The following GUCY1A2 variants were observed in gnomAD, a reference collection of about 807,000 sequenced individuals.
GUCY1A2 encodes guanylate cyclase soluble subunit alpha-2.
GUCY1A2 carries 27 observed loss-of-function variants against 63.5 expected under a neutral mutation model. That is an observed-to-expected ratio of 0.43 (90% CI 0.31 to 0.59). GUCY1A2 has a LOEUF of 0.59. Among genes scored for constraint, GUCY1A2 ranks in the 20% least tolerant of loss-of-function variants. The probability of loss-of-function intolerance (pLI) is 0.11; values close to 1 mark genes in which losing one functional copy is unlikely to be tolerated. For synonymous variants in GUCY1A2, 364 were observed against 343.5 expected (o/e 1.06, Z -0.66); for missense variants, 768 against 913.3 (o/e 0.84, Z 2.05).
intron 4 of GUCY1A2, among the ~76,000 whole-genome samples, chr11:106,845,862 A>G (rs1017775766): frequency 6.6e-6 from 1 of 151,650 alleles, no homozygotes; most frequent in African/African-American, 2.4e-5. Flanking sequence ...CCTACAGATA[A>G]CTTGTTAATT....
At chr11:107,004,902 G>A (rs1199323692) in intron 1 of GUCY1A2, among the ~76,000 whole-genome samples, 2 of 152,152 alleles carry the variant, frequency 1.3e-5, no homozygotes, top group Non-Finnish European at 2.9e-5. Flanking sequence ...TTCAAGGAGT[G>A]CATCATAGAA....
intron 3 of GUCY1A2, among the ~76,000 whole-genome samples, chr11:106,965,199 T>G (rs1861112337): frequency 6.6e-6 from 1 of 152,040 alleles, no homozygotes; most frequent in Admixed American, 6.6e-5. Flanking sequence ...TTCCTGTAGT[T>G]TAAAAAACTA....
Position 106,893,394 on chromosome 11 carries a change from A to G in GUCY1A2, c.1206+46066T>C, listed in dbSNP as rs76761427. Reference sequence around the variant, plus strand: ...AAAATAATTTAGTCTTTAAAAAAAAACTTAAAGGATTGGGGAAATAAATAA... The same window carrying G: ...AAAATAATTTAGTCTTTAAAAAAAAGCTTAAAGGATTGGGGAAATAAATAA... On this transcript the variant is annotated intron_variant, in intron 4 of 7. Coordinates refer to ENST00000526355, the MANE Select transcript of GUCY1A2 (RefSeq NM_000855.3). Among the ~76,000 whole-genome samples the G allele has an allele frequency of 1.4e-4, 21 of 152,300 alleles. No individual in the cohort carries two copies. In the East Asian group the frequency reaches 3.7e-3, roughly 27 times the overall value.
chr11:106,823,923 A>T, intron 4 of GUCY1A2: 1 of 392,116 alleles, frequency 2.6e-6, no homozygotes, highest in Non-Finnish European at 4.4e-6. Flanking sequence ...TAAAGGCTTT[A>T]TTTGCATTCT....
chr11:106,800,271 C>G (rs1183556420), intron 5 of GUCY1A2, among the ~76,000 whole-genome samples: 2 of 152,166 alleles, frequency 1.3e-5, no homozygotes, highest in Non-Finnish European at 2.9e-5. Flanking sequence ...GAAATAGGAA[C>G]ACTTTTACAC....
intron 3 of GUCY1A2, among the ~76,000 whole-genome samples, chr11:106,970,598 G>A (rs1361163785): frequency 6.6e-6 from 1 of 152,106 alleles, no homozygotes; most frequent in Non-Finnish European, 1.5e-5. Flanking sequence ...TTCTGGAAAG[G>A]ATGAAGAGCA....
rs1861847997 is a variant in GUCY1A2, at chr11:107,017,879, C to CGGGGCG, written c.171_176dup (p.Ala60_Pro61dup). ...CGGCAGAAGCAGCCGGGGTCGGGGCCGGGGCGGCGGCAGCGGCAGCTGCGG... is the reference window on the plus strand; with the variant it reads ...CGGCAGAAGCAGCCGGGGTCGGGGCCGGGGCGGGGGCGGCGGCAGCGGCAGCTGCGG... On this transcript the variant is annotated inframe_insertion, in exon 1 of 8. Transcript: ENST00000526355. 5.6e-6 allele frequency: 7 copies of CGGGGCG among 1,250,722 alleles called. No homozygotes were observed. The East Asian group carries it at 1.9e-4, about 35-fold the overall frequency. 77.5% of individuals were successfully genotyped at this position (1,250,722 alleles called of 1,614,324 possible).
In GUCY1A2 at chr11:106,684,523, G is replaced by A. The variant is rs1862488824; in HGVS notation, c.*3026C>T. On this transcript the variant is annotated 3_prime_UTR_variant, in exon 8 of 8. Transcript: ENST00000526355. ...AGTACATTCTGAGTACATATTGGGG[G>A]ATTCTGATTTTGTTAGATAACTGAT... is the stretch of plus-strand genomic sequence containing the variant. 1 of 194,486 alleles carries A rather than the reference G, an allele frequency of 5.1e-6. No individual in the cohort carries two copies. The highest frequency in any genetic ancestry group is 2.3e-5 in the African/African-American group (1 of 43,212). 12.0% of individuals were successfully genotyped at this position (194,486 alleles called of 1,614,324 possible).
At chr11:106,857,842 G>A (rs1353671275) in intron 4 of GUCY1A2, among the ~76,000 whole-genome samples, 2 of 152,066 alleles carry the variant, frequency 1.3e-5, no homozygotes, top group Non-Finnish European at 2.9e-5. Context: ...ACGAGGATAT[G>A]CATATGTTAT....
rs1224556497 is a variant in GUCY1A2, at chr11:106,830,239, G to A, written c.1207-19761C>T. ...TGGGTTGGGGATTGGTGCATTTCTG[G>A]TTGTACAAAGGATAGTTGTATTATG... On this transcript the variant is annotated intron_variant, in intron 4 of 7. Coordinates refer to ENST00000526355, the MANE Select transcript of GUCY1A2 (RefSeq NM_000855.3). 2.0e-5 allele frequency among the ~76,000 whole-genome samples: 3 copies of A among 152,250 alleles called. No individual in the cohort carries two copies. In the East Asian group the frequency reaches 5.8e-4, roughly 29 times the overall value.
intron 4 of GUCY1A2, among the ~76,000 whole-genome samples, chr11:106,883,495 G>A (rs1030244093): frequency 2.0e-5 from 3 of 152,064 alleles, no homozygotes; most frequent in Admixed American, 6.6e-5. Context: ...CGTCCCCATG[G>A]AGCTTACTAT....
At chr11:106,885,416 GC>G (rs1229610294) in intron 4 of GUCY1A2, among the ~76,000 whole-genome samples, 1 of 152,110 alleles carries the variant, frequency 6.6e-6, no homozygotes, top group East Asian at 1.9e-4. Flanking sequence ...TCTGACCATG[GC>G]CAAGATACCA....
intron 4 of GUCY1A2, among the ~76,000 whole-genome samples, chr11:106,885,897 C>T (rs1167421778): frequency 1.3e-5 from 2 of 151,972 alleles, no homozygotes; most frequent in Non-Finnish European, 2.9e-5. Context: ...TTGTACATTC[C>T]CCCTATTGGA....
At position 106,680,278 on chromosome 11, in the gene GUCY1A2, C is replaced by A. The variant is rs367651140; in HGVS notation, c.*7271G>T. The A allele has an allele frequency of 9.7e-6, 2 of 206,618 alleles. No homozygotes were observed. The highest frequency in any genetic ancestry group is 1.5e-4 in the East Asian group (2 of 13,490). 12.8% of individuals were successfully genotyped at this position (206,618 alleles called of 1,614,324 possible). ...TGATTTTATTTCAGTTATTACTTTCCTCTTAGATATAGGTTTAATGACATT... is the reference window on the plus strand; with the variant it reads ...TGATTTTATTTCAGTTATTACTTTCATCTTAGATATAGGTTTAATGACATT... On this transcript the variant is annotated 3_prime_UTR_variant, in exon 8 of 8. Transcript: ENST00000526355.
intron 1 of GUCY1A2, among the ~76,000 whole-genome samples, chr11:107,002,472 C>T (rs1357741082): frequency 6.6e-6 from 1 of 151,726 alleles, no homozygotes; most frequent in Non-Finnish European, 1.5e-5. Flanking sequence ...ATATAAAACA[C>T]TTTTATAAGT....
intron 4 of GUCY1A2, among the ~76,000 whole-genome samples, chr11:106,822,957 T>A (rs1209341337): frequency 6.6e-6 from 1 of 152,178 alleles, no homozygotes; most frequent in Non-Finnish European, 1.5e-5. Context: ...TAATTGTTAC[T>A]TTTTTTAAAA....
chr11:106,888,592 GTTTCT>G (rs889984723), intron 4 of GUCY1A2, among the ~76,000 whole-genome samples: 6 of 152,178 alleles, frequency 3.9e-5, no homozygotes, highest in African/African-American at 1.4e-4. Flanking sequence ...TTGCTTTCTG[GTTTCT>G]TTTAAGAGCT....
chr11:106,779,251 A>C (rs1395597785), intron 5 of GUCY1A2, among the ~76,000 whole-genome samples: 1 of 152,212 alleles, frequency 6.6e-6, no homozygotes, highest in African/African-American at 2.4e-5. Context: ...TACTATAAGA[A>C]TAGAAAGACA....
intron 4 of GUCY1A2, among the ~76,000 whole-genome samples, chr11:106,857,225 C>T (rs910398747): frequency 6.6e-6 from 1 of 152,100 alleles, no homozygotes; most frequent in Non-Finnish European, 1.5e-5. Context: ...CCAGAAGGGT[C>T]GAGTTCCTGG....
Sources: allele counts gnomAD v4.1 joint callset (sites outside exome capture counted in the v4.1 genomes callset), GRCh38; gene constraint gnomAD v4.1.1; transcripts MANE v1.5; gene names NCBI Gene and HGNC (gene_info 2026-07-23, HGNC 2026-07-21).